The following ECT2 variants were observed in gnomAD, a reference collection of about 807,000 sequenced individuals.
The protein encoded by ECT2 is epithelial cell transforming 2.
A neutral mutation model predicts 116.9 loss-of-function variants in ECT2; 61 were observed. That is an observed-to-expected ratio of 0.52 (90% CI 0.42 to 0.65). The LOEUF is 0.65. Ranked by LOEUF, ECT2 falls within the 30% of genes least tolerant of loss-of-function variation. ECT2 has a pLI of 0.00. For missense variants in ECT2, 937 were observed against 1,078.7 expected (o/e 0.87, Z 1.84); for synonymous variants, 358 against 346.4 (o/e 1.03, Z -0.37).
At chr3:172,768,383 CTT>C (rs1576882988) in intron 12 of ECT2, among the ~76,000 whole-genome samples, 1 of 152,254 alleles carries the variant, frequency 6.6e-6, no homozygotes, top group East Asian at 1.9e-4. Flanking sequence ...CAAAATCTCT[CTT>C]TTTCTAAACA....
chr3:172,811,611 TA>T (rs886516163), intron 22 of ECT2, among the ~76,000 whole-genome samples: 1 of 152,162 alleles, frequency 6.6e-6, no homozygotes, highest in Non-Finnish European at 1.5e-5. Flanking sequence ...AAGATAACAA[TA>T]GAAAAAAATG....
chr3:172,772,569 G>A (rs953242881), intron 13 of ECT2, among the ~76,000 whole-genome samples: 8 of 152,242 alleles, frequency 5.3e-5, no homozygotes, highest in Non-Finnish European at 1.0e-4. Flanking sequence ...GTCATTCATA[G>A]CGTATTTTTT....
chr3:172,761,169 AT>A (rs1166885651), intron 7 of ECT2, among the ~76,000 whole-genome samples: 1 of 152,088 alleles, frequency 6.6e-6, no homozygotes, highest in Non-Finnish European at 1.5e-5. Flanking sequence ...AGAGTTTATC[AT>A]TTTTTCTTAG....
intron 1 of ECT2, among the ~76,000 whole-genome samples, chr3:172,753,643 T>G (rs1034471511): frequency 1.2e-4 from 18 of 152,050 alleles, no homozygotes; most frequent in African/African-American, 3.9e-4. Flanking sequence ...TCAAGAGTGT[T>G]GGATTGGGGG....
At position 172,778,588 on chromosome 3, in the gene ECT2, C is replaced by CTTTTT. The variant is rs5854485; in HGVS notation, c.1549-3554_1549-3550dup. 2.2e-3 allele frequency among the ~76,000 whole-genome samples: 131 copies of CTTTTT among 59,768 alleles called. 1 individual carries two copies. The highest frequency in any genetic ancestry group is 5.3e-3 in the African/African-American group (88 of 16,750). 39.2% of individuals were successfully genotyped at this position (59,768 alleles called of 152,430 possible). A position where few individuals can be genotyped will look rare whatever the true frequency, so the allele number is the denominator to read the frequency against. On this transcript the variant is annotated intron_variant, in intron 14 of 24. Coordinates refer to ENST00000392692, the MANE Select transcript of ECT2 (RefSeq NM_001258315.2). ...ACTTAGTTCCTGAGCTATTAGCTAT[C>CTTTTT]TTTTTTTTTTTTTTTTTTTTTTTTT...
At chr3:172,771,261 A>C (rs1720582968) in intron 13 of ECT2, 1 of 152,248 alleles carries the variant, frequency 6.6e-6, no homozygotes, top group African/African-American at 2.4e-5. Flanking sequence ...CAAAATGATC[A>C]TATAAGTCAG....
At chr3:172,774,404 G>T (rs1411660209) in intron 14 of ECT2, among the ~76,000 whole-genome samples, 1 of 152,030 alleles carries the variant, frequency 6.6e-6, no homozygotes, top group Non-Finnish European at 1.5e-5. Flanking sequence ...TTGTCATGCT[G>T]CCCAGGCTGG....
intron 17 of ECT2, among the ~76,000 whole-genome samples, chr3:172,786,094 T>A (rs1456093626): frequency 6.6e-6 from 1 of 152,192 alleles, no homozygotes; most frequent in Non-Finnish European, 1.5e-5. Context: ...AAATCTGTGC[T>A]TAAAGATACC....
rs1310822115 is a variant in ECT2, at chr3:172,820,923, ATGTT to A, written c.*690_*693del. 5 of 151,950 alleles carry A rather than the reference ATGTT, an allele frequency of 3.3e-5. No individual in the cohort carries two copies. Among genetic ancestry groups the A allele is most frequent in the African/African-American group, 1.2e-4 (5 of 41,432 alleles). The allele number at this position is 151,950 out of a possible 1,614,324, so 9.4% of individuals were successfully genotyped here. Reference sequence around the variant, plus strand: ...ACATTGTATATTTTGCAAAAACAAGATGTTTGTAGCTGTTTCAGAGAGAGTACGG... The same window carrying A: ...ACATTGTATATTTTGCAAAAACAAGATGTAGCTGTTTCAGAGAGAGTACGG... On this transcript the variant is annotated 3_prime_UTR_variant, in exon 25 of 25. Transcript: ENST00000392692.
At chr3:172,782,291 G>T in intron 15 of ECT2, 60 bp downstream of exon 15, 2 of 979,834 alleles carry the variant, frequency 2.0e-6, no homozygotes, top group Admixed American at 4.7e-5. Flanking sequence ...TCAAGGACTG[G>T]CAAGGAGTGT....
chr3:172,766,737 G>A (rs990757723), intron 12 of ECT2, among the ~76,000 whole-genome samples: 1 of 152,182 alleles, frequency 6.6e-6, no homozygotes. Context: ...GTTACATTAA[G>A]GCAGAACTAT....
downstream of ECT2, among the ~76,000 whole-genome samples, chr3:172,823,059 G>T (rs918619645): frequency 6.6e-6 from 1 of 152,002 alleles, no homozygotes; most frequent in South Asian, 2.1e-4. Flanking sequence ...CTCACAGAGC[G>T]TTATAGTCAG....
chr3:172,794,840 G>A (rs1247100718), intron 18 of ECT2, among the ~76,000 whole-genome samples: 4 of 151,752 alleles, frequency 2.6e-5, no homozygotes, highest in Admixed American at 1.3e-4. Context: ...TCAGCCTCCC[G>A]AGTAGCTGGG....
At chr3:172,814,802 G>A (rs1729405063) in intron 22 of ECT2, among the ~76,000 whole-genome samples, 1 of 152,076 alleles carries the variant, frequency 6.6e-6, no homozygotes, top group African/African-American at 2.4e-5. Context: ...TTTGTGGTGT[G>A]AACCTTCAAA....
At chr3:172,765,747 T>A (rs1719251022) in intron 12 of ECT2, among the ~76,000 whole-genome samples, 1 of 152,206 alleles carries the variant, frequency 6.6e-6, no homozygotes, top group South Asian at 2.1e-4. Flanking sequence ...ACTGTAGCTT[T>A]TAAGTCCCTA....
At chr3:172,775,302 T>TA (rs1200275221) in intron 14 of ECT2, among the ~76,000 whole-genome samples, 1 of 152,206 alleles carries the variant, frequency 6.6e-6, no homozygotes, top group African/African-American at 2.4e-5. Context: ...TTTTCAAATA[T>TA]ATAAGATTGT....
chr3:172,780,979 A>G (rs748469123), intron 14 of ECT2, among the ~76,000 whole-genome samples: 33 of 152,294 alleles, frequency 2.2e-4, no homozygotes, highest in Non-Finnish European at 3.1e-4. Flanking sequence ...ATGAAGTTCA[A>G]TGTATTCATT....
intron 11 of ECT2, among the ~76,000 whole-genome samples, chr3:172,763,769 G>T (rs1021457829): frequency 5.3e-5 from 8 of 152,198 alleles, no homozygotes; most frequent in African/African-American, 1.7e-4. Flanking sequence ...ACTTTGTGTG[G>T]AATATTGAAG....
chr3:172,767,169 G>A (rs1231315695), intron 12 of ECT2, among the ~76,000 whole-genome samples: 1 of 152,152 alleles, frequency 6.6e-6, no homozygotes, highest in African/African-American at 2.4e-5. Flanking sequence ...GGGGCTGGGC[G>A]CGGTGGCCCA....
Sources: gnomAD v4.1 joint callset for allele counts (sites outside exome capture counted in the v4.1 genomes callset) on GRCh38, gnomAD v4.1.1 for gene constraint, MANE v1.5 for transcripts, NCBI Gene and HGNC (gene_info 2026-07-23, HGNC 2026-07-21) for gene names.